The following AKR7A3 variants were observed in gnomAD, a reference collection of about 807,000 sequenced individuals.
The protein encoded by AKR7A3 is aldo-keto reductase family 7 member A3.
AKR7A3 carries 37 observed loss-of-function variants against 32.5 expected under a neutral mutation model. The observed-to-expected ratio is 1.14, with a 90% confidence interval of 0.88 to 1.50. AKR7A3 has a LOEUF of 1.50. Among genes scored for constraint, AKR7A3 ranks in the 40% most tolerant of loss-of-function variants. The pLI is 0.00. For synonymous variants in AKR7A3, 177 were observed against 188.4 expected, an observed-to-expected ratio of 0.94 and a Z score of 0.50; for missense variants, 412 against 453.2, an observed-to-expected ratio of 0.91 and a Z score of 0.83.
At chr1:19,281,371 C>T (rs2093718626), downstream of AKR7A3, among the ~76,000 whole-genome samples, 1 of 151,890 alleles carries the variant, frequency 6.6e-6, no homozygotes, top group Admixed American at 6.5e-5. Context: ...GGTGTGGTGG[C>T]TCATGCCTGT....
chr1:19,276,189 C>T, the AKR7A3 span, among the ~76,000 whole-genome samples: 2 of 151,232 alleles, frequency 1.3e-5, no homozygotes, highest in African/African-American at 2.4e-5. Context: ...GGTGAAACCC[C>T]GTCTCTACTA....
chr1:19,282,968 C>T, intron 6 of AKR7A3, 76 bp from the exon 7 acceptor site: 3 of 1,579,560 alleles, frequency 1.9e-6, no homozygotes, highest in Non-Finnish European at 2.6e-6. Context: ...CAGCCACCTC[C>T]CTGCTGAGAT....
chr1:19,277,528 CTT>C, the AKR7A3 span, among the ~76,000 whole-genome samples: 2 of 147,830 alleles, frequency 1.4e-5, no homozygotes, highest in African/African-American at 5.0e-5. Flanking sequence ...TAAGCATTTA[CTT>C]TTTTTTTTTG....
Position 19,286,249 on chromosome 1 carries a change from T to G in AKR7A3, c.338A>C (p.His113Pro), listed in dbSNP as rs758889394. The change falls in exon 2 of 7, where the codon CAT (histidine) becomes CCT (proline). Residue 113 changes from histidine (H) to proline (P), a missense_variant. Physicochemically the swap from His to Pro is moderately conservative, Grantham distance 77. Coordinates refer to ENST00000361640, the MANE Select transcript of AKR7A3 (RefSeq NM_012067.3). ...CACCGGGGTGCTGTGGTCTGGCATA[T>G]GCAGGTAGAAGAGGTCCACTCGGGG... ...QCPRVDLFYL[H>P]MPDHSTPVEE... The G allele has an allele frequency of 3.7e-6, 6 of 1,613,510 alleles. No homozygotes were observed. Among genetic ancestry groups the G allele is most frequent in the Non-Finnish European group, 5.1e-6 (6 of 1,180,030 alleles).
chr1:19,282,550 A>G (rs368548040), downstream of AKR7A3: 28 of 1,050,820 alleles, frequency 2.7e-5, no homozygotes, highest in East Asian at 4.4e-4. Flanking sequence ...ATAGCAACGC[A>G]AACAGACTAA....
chr1:19,275,998 T>G, the AKR7A3 span, among the ~76,000 whole-genome samples: 1 of 151,960 alleles, frequency 6.6e-6, no homozygotes, highest in Non-Finnish European at 1.5e-5. Flanking sequence ...GTTGGAGGTT[T>G]CAACACACCA....
rs1390351946 is a variant in AKR7A3, at chr1:19,288,445, G to T, written c.214+51C>A. On this transcript the variant is annotated intron_variant, in intron 1 of 6. Coordinates refer to ENST00000361640, the MANE Select transcript of AKR7A3 (RefSeq NM_012067.3). ...GAGAGCGGGGCGGTACACGGCTGTG[G>T]ACAGGCTCAGCTCTGCACCGTGCAG... 3.8e-6 allele frequency: 6 copies of T among 1,588,356 alleles called. No individual in the cohort carries two copies. The Admixed American group carries it at 1.0e-4, about 28-fold the overall frequency.
Position 19,288,676 on chromosome 1 carries a change from T to C in AKR7A3, c.34A>G (p.Thr12Ala), listed in dbSNP as rs1569662648. The C allele has an allele frequency of 6.6e-7, 1 of 1,523,934 alleles. No homozygotes were observed. The highest frequency in any genetic ancestry group is 2.3e-4 in the Middle Eastern group (1 of 4,296). The allele number at this position is 1,523,934 out of a possible 1,614,324, so 94.4% of individuals were successfully genotyped here. ...SRQLSRARPA[T>A]VLGAMEMGRR... is the part of the protein sequence containing the mutation. ...CCCATCTCCATGGCGCCCAGCACCG[T>C]GGCTGGCCGGGCCCGCGACAGCTGC... Residue 12 changes from threonine to alanine, a missense_variant, in exon 1 of 7, where the codon ACG (threonine) becomes GCG (alanine). By Grantham distance (58) the Thr-to-Ala change is moderately conservative. Coordinates refer to ENST00000361640, the MANE Select transcript of AKR7A3 (RefSeq NM_012067.3).
At chr1:19,282,032 T>C (rs77184863), downstream of AKR7A3, among the ~76,000 whole-genome samples, 4,291 of 151,996 alleles carry the variant, frequency 0.028, 80 homozygotes, top group South Asian at 0.053. Flanking sequence ...GGCCTTATGA[T>C]TGAGTTGATG....
chr1:19,279,644 G>T (rs1357579748), downstream of AKR7A3, among the ~76,000 whole-genome samples: 1 of 151,790 alleles, frequency 6.6e-6, no homozygotes, highest in Non-Finnish European at 1.5e-5. Flanking sequence ...AACACATTGT[G>T]GTTTTTATTT....
At chr1:19,276,204 T>G in the AKR7A3 span, among the ~76,000 whole-genome samples, 2 of 150,982 alleles carry the variant, frequency 1.3e-5, no homozygotes, top group African/African-American at 2.5e-5. Flanking sequence ...CTACTAAAAA[T>G]GCAAAAAATT....
Position 19,284,915 on chromosome 1 carries a change from T to C in AKR7A3, c.604+103A>G. 1.9e-6 allele frequency: 3 copies of C among 1,580,982 alleles called. No homozygotes were observed. In the South Asian group the frequency reaches 3.3e-5, roughly 18 times the overall value. On this transcript the variant is annotated intron_variant, in intron 4 of 6. Transcript: ENST00000361640. ...AGATGCAGCCTTTACGTCTTTGACC[T>C]CAGAGGTCAAAGTTTGTCAAACCCT...
chr1:19,279,981 G>T (rs962852052), downstream of AKR7A3, among the ~76,000 whole-genome samples: 1 of 146,092 alleles, frequency 6.8e-6, no homozygotes, highest in African/African-American at 2.7e-5. Context: ...TTTATGTGCG[G>T]CCCAAGACAA....
rs1051727210 is a variant in AKR7A3, at chr1:19,283,254, G to C, written c.835-362C>G. On this transcript the variant is annotated intron_variant, in intron 6 of 6. Coordinates refer to ENST00000361640, the MANE Select transcript of AKR7A3 (RefSeq NM_012067.3). ...AGCTCCCATTTATTGAGCACCTACT[G>C]TATATATGCCAGACACTATTGCAAC... Among the ~76,000 whole-genome samples the C allele has an allele frequency of 3.3e-5, 5 of 150,828 alleles. 1 individual carries two copies. Among genetic ancestry groups the C allele is most frequent in the African/African-American group, 7.4e-5 (3 of 40,574 alleles).
intron 6 of AKR7A3, 28 bp downstream of exon 6, chr1:19,283,968 A>C: frequency 6.2e-7 from 1 of 1,612,392 alleles, no homozygotes; most frequent in Non-Finnish European, 8.5e-7. Flanking sequence ...GGAAGGGAAG[A>C]AGCTGAGCGC....
In AKR7A3 at chr1:19,282,770, C is replaced by T. The variant is rs760846108; in HGVS notation, c.957G>A (p.Trp319Ter). 1.9e-6 allele frequency: 3 copies of T among 1,613,598 alleles called. No individual in the cohort carries two copies. The highest frequency in any genetic ancestry group is 1.3e-5 in the African/African-American group (1 of 74,498). The stretch of plus-strand genomic sequence containing the variant: ...TGGGACATTCGTGAGTAACCAAATG[C>T]CAGGCTTGATTAAAGGCGTCCACGA... ...PAVVDAFNQA[W>*]HLVTHECPNY... Residue 319 changes from tryptophan to a stop codon, truncating the protein, a stop_gained, in exon 7 of 7, where the codon TGG (tryptophan) becomes TGA (stop). Coordinates refer to ENST00000361640, the MANE Select transcript of AKR7A3 (RefSeq NM_012067.3). LOFTEE classifies it high-confidence loss of function.
At chr1:19,282,199 A>T (rs1235964170), downstream of AKR7A3, among the ~76,000 whole-genome samples, 8 of 151,834 alleles carry the variant, frequency 5.3e-5, no homozygotes, top group Non-Finnish European at 1.2e-4. Flanking sequence ...GTGATCCCCA[A>T]TGTTAGAGGT....
At chr1:19,279,471 T>C (rs1322876687), downstream of AKR7A3, among the ~76,000 whole-genome samples, 1 of 151,856 alleles carries the variant, frequency 6.6e-6, no homozygotes, top group East Asian at 1.9e-4. Context: ...AATCCTATGG[T>C]AATTTTATGT....
chr1:19,283,101 C>T (rs2093721834), intron 6 of AKR7A3, among the ~76,000 whole-genome samples: 1 of 148,054 alleles, frequency 6.8e-6, no homozygotes, highest in Non-Finnish European at 1.5e-5. Context: ...GACAGACCTA[C>T]ATTCACAGCC....
Sources: gnomAD v4.1 joint callset for allele counts (sites outside exome capture counted in the v4.1 genomes callset) on GRCh38, gnomAD v4.1.1 for gene constraint, MANE v1.5 for transcripts, NCBI Gene and HGNC (gene_info 2026-07-23, HGNC 2026-07-21) for gene names.